TGFA: variants seen among roughly 807,000 people sequenced by gnomAD.
TGFA encodes the protein protransforming growth factor alpha.
In TGFA, 12 loss-of-function variants were observed where a neutral mutation model predicts 21.7. That is an observed-to-expected ratio of 0.55 (90% CI 0.35 to 0.90). TGFA has a LOEUF of 0.90. TGFA is among the 40% of genes least tolerant of loss of function. TGFA has a pLI of 0.01. For missense variants in TGFA, 178 were observed against 210.8 expected (o/e 0.84, Z 0.96); for synonymous variants, 79 against 88.1 (o/e 0.90, Z 0.58).
chr2:70,516,305 C>A (rs1553501589), intron 1 of TGFA, among the ~76,000 whole-genome samples: 1 of 152,000 alleles, frequency 6.6e-6, no homozygotes. Context: ...ACTCTGCAGG[C>A]TGTGAGGGTT....
chr2:70,551,269 A>G (rs1656968763), intron 1 of TGFA, among the ~76,000 whole-genome samples: 1 of 152,224 alleles, frequency 6.6e-6, no homozygotes, highest in Non-Finnish European at 1.5e-5. Flanking sequence ...TGGAAATGCC[A>G]AGCCCCCGTG....
chr2:70,463,485 C>A (rs1398567755), intron 3 of TGFA, among the ~76,000 whole-genome samples: 1 of 152,150 alleles, frequency 6.6e-6, no homozygotes, highest in African/African-American at 2.4e-5. Flanking sequence ...GAAGAGGGGG[C>A]TCTTCTGCCA....
chr2:70,545,384 C>T (rs965260811), intron 1 of TGFA, among the ~76,000 whole-genome samples: 1 of 152,138 alleles, frequency 6.6e-6, no homozygotes, highest in African/African-American at 2.4e-5. Context: ...GTCTTGTGCG[C>T]TTAGTTCCTA....
intron 2 of TGFA, among the ~76,000 whole-genome samples, chr2:70,512,849 A>C (rs1672145542): frequency 6.6e-6 from 1 of 152,206 alleles, no homozygotes; most frequent in South Asian, 2.1e-4. Context: ...CAGTGTCAGC[A>C]CTTGCCATCA....
chr2:70,456,195 A>G, intron 4 of TGFA, 144 bp downstream of exon 4: 1 of 1,184,306 alleles, frequency 8.4e-7, no homozygotes, highest in Non-Finnish European at 1.2e-6. Flanking sequence ...ACAGTCATCA[A>G]AGTAGCATTT....
At chr2:70,542,585 C>T (rs11679179) in intron 1 of TGFA, among the ~76,000 whole-genome samples, 2,622 of 152,218 alleles carry the variant, frequency 0.017, 44 homozygotes, top group Non-Finnish European at 0.027. Flanking sequence ...TGGTTGTGCA[C>T]CTAATGGACA....
intron 1 of TGFA, among the ~76,000 whole-genome samples, chr2:70,537,515 A>G (rs1553504616): frequency 6.6e-6 from 1 of 152,266 alleles, no homozygotes; most frequent in African/African-American, 2.4e-5. Context: ...GGAGAAAATT[A>G]AAAGTGCTAC....
At chr2:70,549,929 C>A (rs1673435237) in intron 1 of TGFA, among the ~76,000 whole-genome samples, 1 of 152,218 alleles carries the variant, frequency 6.6e-6, no homozygotes, top group Non-Finnish European at 1.5e-5. Flanking sequence ...AGCTTTACAG[C>A]CCATGTTCTA....
At chr2:70,484,642 T>C (rs547664529) in intron 2 of TGFA, among the ~76,000 whole-genome samples, 10 of 152,324 alleles carry the variant, frequency 6.6e-5, no homozygotes, top group Non-Finnish European at 1.2e-4. Context: ...TGAATCTTGA[T>C]AAGAAAGACA....
chr2:70,477,978 C>CT (rs1553494781), intron 2 of TGFA, among the ~76,000 whole-genome samples: 26 of 152,126 alleles, frequency 1.7e-4, no homozygotes. Context: ...CCTTTTCTCT[C>CT]TTTCTCTGTC....
At chr2:70,463,566 G>T (rs1245721576) in intron 3 of TGFA, among the ~76,000 whole-genome samples, 1 of 152,126 alleles carries the variant, frequency 6.6e-6, no homozygotes, top group Admixed American at 6.5e-5. Flanking sequence ...TGATCTGGTG[G>T]GGAGGGCACC....
chr2:70,538,825 G>C (rs974196827), intron 1 of TGFA, among the ~76,000 whole-genome samples: 12 of 152,212 alleles, frequency 7.9e-5, no homozygotes, highest in African/African-American at 2.7e-4. Context: ...TAGGGTTTGA[G>C]AGGACTGACT....
At chr2:70,549,605 T>C (rs1452718926) in intron 1 of TGFA, among the ~76,000 whole-genome samples, 2 of 152,194 alleles carry the variant, frequency 1.3e-5, no homozygotes, top group Non-Finnish European at 2.9e-5. Flanking sequence ...GATGCCTAAT[T>C]CAGTGTGTAC....
chr2:70,450,868 T>C lies in TGFA; in HGVS notation c.476-2A>G. ...TCCTCCTCTGGGCTCTTCAGACCAC[T>C]GGCAGGAAGGAAAAACAGGTTAAGC... On this transcript the variant is annotated splice_acceptor_variant, in intron 5 of 5. Transcript: ENST00000295400. LOFTEE classifies it high-confidence loss of function. The C allele has an allele frequency of 6.2e-7, 1 of 1,609,006 alleles. No individual in the cohort carries two copies. The highest frequency in any genetic ancestry group is 8.5e-7 in the Non-Finnish European group (1 of 1,177,404).
chr2:70,504,809 T>G (rs1283395211), intron 2 of TGFA, among the ~76,000 whole-genome samples: 2 of 152,092 alleles, frequency 1.3e-5, no homozygotes, highest in Non-Finnish European at 2.9e-5. Context: ...GTGGTCTGAG[T>G]GAGATGTATG....
At chr2:70,527,285 T>C (rs1237434228) in intron 1 of TGFA, among the ~76,000 whole-genome samples, 2 of 152,182 alleles carry the variant, frequency 1.3e-5, no homozygotes, top group Non-Finnish European at 2.9e-5. Context: ...TAAATAAGCA[T>C]CAAGTCACAT....
intron 1 of TGFA, chr2:70,553,476 C>T (rs782539043): frequency 7.1e-7 from 1 of 1,407,132 alleles, no homozygotes; most frequent in Non-Finnish European, 9.2e-7. Flanking sequence ...ACTCCGCTTC[C>T]CCTTCCCAGG....
intron 1 of TGFA, among the ~76,000 whole-genome samples, chr2:70,538,247 G>A (rs1274510593): frequency 6.6e-6 from 1 of 152,146 alleles, no homozygotes; most frequent in Non-Finnish European, 1.5e-5. Flanking sequence ...AGCTCTGATG[G>A]AGCTGTGTAA....
rs919164537 is a variant in TGFA, at chr2:70,547,191, T to C, written c.40+6537A>G. Among the ~76,000 whole-genome samples the C allele has an allele frequency of 2.0e-5, 3 of 152,136 alleles. No individual in the cohort carries two copies. The South Asian group carries it at 6.2e-4, about 31-fold the overall frequency. ...GTGGATTATTCATAATAGTGACAAA[T>C]AGGAAAAATCTATATGGTCAAAGTG... On this transcript the variant is annotated intron_variant, in intron 1 of 5. Transcript: ENST00000295400.
Sources: allele counts gnomAD v4.1 joint callset (sites outside exome capture counted in the v4.1 genomes callset), GRCh38; gene constraint gnomAD v4.1.1; transcripts MANE v1.5; gene names NCBI Gene and HGNC (gene_info 2026-07-23, HGNC 2026-07-21).